Variants in SAMD3 observed in about 807,000 individuals in gnomAD.
The protein encoded by SAMD3 is sterile alpha motif domain-containing protein 3.
A neutral mutation model predicts 58.5 loss-of-function variants in SAMD3; 63 were observed. The ratio of observed to expected loss-of-function variants is 1.08; its 90% CI spans 0.88 to 1.33. SAMD3 has a LOEUF of 1.33. Among genes scored for constraint, SAMD3 ranks in the 40% most tolerant of loss-of-function variants. The probability of loss-of-function intolerance (pLI) is 0.00; values close to 1 mark genes in which losing one functional copy is unlikely to be tolerated. For synonymous variants in SAMD3, 220 were observed against 210.3 expected, an observed-to-expected ratio of 1.05 and a Z score of -0.40; for missense variants, 604 against 608.4, an observed-to-expected ratio of 0.99 and a Z score of 0.08.
chr6:130,208,971 A>G (rs1388602143), intron 5 of SAMD3, among the ~76,000 whole-genome samples: 5 of 152,186 alleles, frequency 3.3e-5, no homozygotes, highest in African/African-American at 9.6e-5. Flanking sequence ...CTAAGTCTAC[A>G]GTTTTTCCTT....
At chr6:130,323,802 CAA>C (rs766078214) in intron 1 of SAMD3, among the ~76,000 whole-genome samples, 90 of 53,538 alleles carry the variant, frequency 1.7e-3, no homozygotes, top group African/African-American at 6.7e-3. Flanking sequence ...GACTCTGTCT[CAA>C]AAAAAAAAAA....
Position 130,292,811 on chromosome 6 carries a change from G to A in SAMD3, c.-188+20167C>T, listed in dbSNP as rs942168060. Among the ~76,000 whole-genome samples, 4 of 150,960 alleles carry A rather than the reference G, an allele frequency of 2.6e-5. No individual in the cohort carries two copies. In the East Asian group the frequency reaches 5.9e-4, roughly 22 times the overall value. ...TTTTTTGTATTTTTAGTAGAGACGG[G>A]GTTTCACTGTGTTAGCCAGGATGGT... On this transcript the variant is annotated intron_variant, in intron 2 of 13. Transcript: ENST00000368134.
chr6:130,223,597 C>A (rs895536329), upstream of SAMD3, among the ~76,000 whole-genome samples: 1 of 152,188 alleles, frequency 6.6e-6, no homozygotes, highest in Non-Finnish European at 1.5e-5. Context: ...ACTTTGTAGG[C>A]CTCTTCAGGA....
At chr6:130,226,402 G>A (rs1796383168), upstream of SAMD3, among the ~76,000 whole-genome samples, 1 of 152,144 alleles carries the variant, frequency 6.6e-6, no homozygotes, top group Non-Finnish European at 1.5e-5. Flanking sequence ...CAAGTTTGAG[G>A]AGCAATTGAA....
chr6:130,235,730 T>G (rs1773126183), intron 2 of SAMD3, among the ~76,000 whole-genome samples: 1 of 151,978 alleles, frequency 6.6e-6, no homozygotes, highest in Non-Finnish European at 1.5e-5. Context: ...ATGAAACGAG[T>G]AAGTATAATA....
At chr6:130,265,770 G>GAA (rs34778014) in intron 2 of SAMD3, among the ~76,000 whole-genome samples, 3 of 151,384 alleles carry the variant, frequency 2.0e-5, no homozygotes, top group African/African-American at 7.3e-5. Flanking sequence ...AGCCAAAACA[G>GAA]AAAAAAAAGA....
intron 5 of SAMD3, among the ~76,000 whole-genome samples, chr6:130,207,757 G>A (rs1437725582): frequency 2.0e-5 from 3 of 152,190 alleles, no homozygotes; most frequent in African/African-American, 2.4e-5. Flanking sequence ...CACCTTCTTG[G>A]TTGCCACCCC....
intron 5 of SAMD3, among the ~76,000 whole-genome samples, chr6:130,204,343 C>T (rs866837032): frequency 2.0e-5 from 3 of 152,100 alleles, no homozygotes; most frequent in East Asian, 1.9e-4. Flanking sequence ...GAGGATGGGA[C>T]CTATTAATTC....
chr6:130,297,403 G>T (rs1209579264), intron 2 of SAMD3, among the ~76,000 whole-genome samples: 1 of 152,074 alleles, frequency 6.6e-6, no homozygotes, highest in Non-Finnish European at 1.5e-5. Flanking sequence ...CCAAACAATA[G>T]AAAATTCAAA....
chr6:130,249,731 GT>G (rs1405122584), intron 2 of SAMD3, among the ~76,000 whole-genome samples: 1 of 152,146 alleles, frequency 6.6e-6, no homozygotes, highest in Non-Finnish European at 1.5e-5. Context: ...ACAAAGAATG[GT>G]AGGTTTGAAG....
chr6:130,294,656 G>A (rs1398818), intron 2 of SAMD3, among the ~76,000 whole-genome samples: 1 of 149,130 alleles, frequency 6.7e-6, no homozygotes, highest in Non-Finnish European at 1.5e-5. Flanking sequence ...ATGGCTGTTA[G>A]AATGACCTCA....
At chr6:130,340,411 C>T (rs1003862989) in intron 1 of SAMD3, among the ~76,000 whole-genome samples, 1 of 152,146 alleles carries the variant, frequency 6.6e-6, no homozygotes, top group South Asian at 2.1e-4. Flanking sequence ...AGCTCTTTTG[C>T]TTATAAGGAT....
intron 3 of SAMD3, 98 bp from the exon 4 acceptor site, chr6:130,214,624 T>A: frequency 1.3e-6 from 1 of 761,748 alleles, no homozygotes; most frequent in Non-Finnish European, 2.0e-6. Context: ...AAGGATCATC[T>A]AAACTTGTCC....
chr6:130,191,060 A>G (rs770620834), intron 5 of SAMD3, among the ~76,000 whole-genome samples: 39 of 151,638 alleles, frequency 2.6e-4, no homozygotes, highest in Non-Finnish European at 3.1e-4. Context: ...TGACCATACT[A>G]GATATCTGCC....
chr6:130,341,505 A>T (rs1224332264), intron 1 of SAMD3, among the ~76,000 whole-genome samples: 1 of 152,178 alleles, frequency 6.6e-6, no homozygotes, highest in Non-Finnish European at 1.5e-5. Flanking sequence ...GTTGAAGCCC[A>T]CTCCAGCTTA....
chr6:130,348,841 C>T (rs577941712), intron 1 of SAMD3, among the ~76,000 whole-genome samples: 2 of 152,192 alleles, frequency 1.3e-5, no homozygotes, highest in South Asian at 4.2e-4. Flanking sequence ...AAGCACTCCT[C>T]AGCAAATGTA....
In SAMD3 at chr6:130,164,718, A is replaced by G. The variant is rs937387064; in HGVS notation, c.823-9693T>C. On this transcript the variant is annotated intron_variant, in intron 8 of 11. Transcript: ENST00000439090. ...ACCCAAGGACATGGCTCGATCATCT[A>G]GAATGTTGTCAGTTGTCACTAAAAA... Among the ~76,000 whole-genome samples the G allele has an allele frequency of 5.3e-5, 8 of 152,180 alleles. No homozygotes were observed. The East Asian group carries it at 7.7e-4, about 15-fold the overall frequency.
intron 2 of SAMD3, among the ~76,000 whole-genome samples, chr6:130,279,727 C>T (rs1774916605): frequency 6.6e-6 from 1 of 152,086 alleles, no homozygotes; most frequent in Admixed American, 6.5e-5. Context: ...TCAGGTGACC[C>T]ACCCGCCTCG....
chr6:130,362,093 C>T (rs897138675), intron 1 of SAMD3, among the ~76,000 whole-genome samples: 2 of 152,298 alleles, frequency 1.3e-5, no homozygotes, highest in African/African-American at 4.8e-5. Context: ...AAAAAGGCAG[C>T]ATTTGGGCTG....
Sources: gnomAD v4.1 joint callset for allele counts (sites outside exome capture counted in the v4.1 genomes callset) on GRCh38, gnomAD v4.1.1 for gene constraint, MANE v1.5 for transcripts, NCBI Gene and HGNC (gene_info 2026-07-23, HGNC 2026-07-21) for gene names.